The following KCNJ6 variants were observed in gnomAD, a reference collection of about 807,000 sequenced individuals.
KCNJ6 encodes the protein G protein-activated inward rectifier potassium channel 2.
Under a neutral mutation model 34.2 loss-of-function variants are expected in KCNJ6, and 9 were observed. The observed-to-expected ratio is 0.26, with a 90% CI of 0.16 to 0.46. KCNJ6 has a LOEUF of 0.46. Among genes scored for constraint, KCNJ6 ranks in the 20% least tolerant of loss-of-function variants. The pLI, the probability that KCNJ6 is intolerant of heterozygous loss-of-function variation, is 1.00. For synonymous variants in KCNJ6, 196 were observed against 207.1 expected (o/e 0.95, Z 0.46); for missense variants, 236 against 531.3 (o/e 0.44, Z 5.46).
intron 2 of KCNJ6, among the ~76,000 whole-genome samples, chr21:37,777,924 A>T (rs2055149961): frequency 6.6e-6 from 1 of 152,192 alleles, no homozygotes; most frequent in Non-Finnish European, 1.5e-5. Flanking sequence ...GCACACCTGG[A>T]GCCCACGGAG....
At chr21:37,834,379 G>C (rs1232843849) in intron 2 of KCNJ6, among the ~76,000 whole-genome samples, 1 of 152,176 alleles carries the variant, frequency 6.6e-6, no homozygotes, top group Non-Finnish European at 1.5e-5. Flanking sequence ...TCATCCTTTG[G>C]GTGCCTTTTT....
chr21:37,892,610 G>A (rs976213779), intron 1 of KCNJ6, among the ~76,000 whole-genome samples: 2 of 152,280 alleles, frequency 1.3e-5, no homozygotes, highest in African/African-American at 4.8e-5. Context: ...GTATAAGTGA[G>A]GCAACAGGGT....
intron 2 of KCNJ6, among the ~76,000 whole-genome samples, chr21:37,813,383 C>A (rs1234470367): frequency 6.6e-6 from 1 of 152,106 alleles, no homozygotes; most frequent in Non-Finnish European, 1.5e-5. Flanking sequence ...CAATGACATT[C>A]TTCACAGAAA....
intron 2 of KCNJ6, among the ~76,000 whole-genome samples, chr21:37,749,014 G>A (rs1393526529): frequency 2.6e-5 from 4 of 152,194 alleles, no homozygotes; most frequent in African/African-American, 4.8e-5. Context: ...ATGTATATGT[G>A]TATGCATGTG....
chr21:37,827,464 A>G lies in KCNJ6; in HGVS notation c.25+13194T>C, dbSNP rs536478377. On this transcript the variant is annotated intron_variant, in intron 2 of 3. Coordinates refer to ENST00000609713, the MANE Select transcript of KCNJ6 (RefSeq NM_002240.5). ...CCGTAAGTAGTAGAAATCGATCAAC[A>G]AGAATTTTTTAGTACCTAATGGAAA... Among the ~76,000 whole-genome samples the G allele has an allele frequency of 1.8e-4, 28 of 152,316 alleles. No homozygotes were observed. The East Asian group carries it at 5.2e-3, about 28-fold the overall frequency.
intron 3 of KCNJ6, among the ~76,000 whole-genome samples, chr21:37,627,087 T>C (rs900496189): frequency 9.2e-5 from 14 of 152,182 alleles, no homozygotes; most frequent in Admixed American, 1.3e-4. Context: ...TGTGAATGTT[T>C]ACACAGAAGG....
At chr21:37,885,245 G>A (rs1265250734) in intron 1 of KCNJ6, among the ~76,000 whole-genome samples, 1 of 152,180 alleles carries the variant, frequency 6.6e-6, no homozygotes, top group Non-Finnish European at 1.5e-5. Flanking sequence ...GGGAGGTACA[G>A]TGGTGGGGAG....
chr21:37,656,616 G>A (rs2054465387), intron 3 of KCNJ6, among the ~76,000 whole-genome samples: 1 of 152,208 alleles, frequency 6.6e-6, no homozygotes, highest in South Asian at 2.1e-4. Context: ...AGCTGGAGCG[G>A]CTGGGGCTGG....
At chr21:37,721,928 C>A (rs750203572) in intron 2 of KCNJ6, among the ~76,000 whole-genome samples, 5 of 152,052 alleles carry the variant, frequency 3.3e-5, no homozygotes, top group Non-Finnish European at 5.9e-5. Context: ...GAAAAGCAAG[C>A]ACAGGAAGTC....
intron 1 of KCNJ6, among the ~76,000 whole-genome samples, chr21:37,896,668 C>T (rs1235644204): frequency 6.6e-6 from 1 of 152,116 alleles, no homozygotes; most frequent in African/African-American, 2.4e-5. Context: ...TCAAGGGTGG[C>T]ACGTGGGCTT....
At chr21:37,773,505 C>T (rs939145436) in intron 2 of KCNJ6, among the ~76,000 whole-genome samples, 3 of 152,132 alleles carry the variant, frequency 2.0e-5, no homozygotes, top group African/African-American at 4.8e-5. Flanking sequence ...TTCATCCCTC[C>T]CCTTCACCTC....
rs542490855 is a variant in KCNJ6, at chr21:37,690,341, A to G, written c.946+23870T>C. 8.5e-5 allele frequency among the ~76,000 whole-genome samples: 13 copies of G among 152,354 alleles called. No individual in the cohort carries two copies. In the South Asian group the frequency reaches 2.7e-3, roughly 32 times the overall value. On this transcript the variant is annotated intron_variant, in intron 3 of 3. Transcript: ENST00000609713. ...AAAGCTTCAAGGACTTGTCAATGAT[A>G]CATAAAAAGTTAATTAAAATCATTC...
chr21:37,703,368 G>A (rs2054701759), intron 3 of KCNJ6, among the ~76,000 whole-genome samples: 2 of 151,746 alleles, frequency 1.3e-5, no homozygotes, highest in Non-Finnish European at 2.9e-5. Context: ...AGAGGCCCAG[G>A]TATGTGGTGG....
intron 2 of KCNJ6, among the ~76,000 whole-genome samples, chr21:37,822,759 A>G (rs964344551): frequency 4.6e-5 from 7 of 152,212 alleles, no homozygotes; most frequent in Non-Finnish European, 8.8e-5. Flanking sequence ...TGAGGAAAAG[A>G]ACCTATGGCT....
In KCNJ6 at chr21:37,833,022, C is replaced by CTT. The variant is rs11445154; in HGVS notation, c.25+7634_25+7635dup. On this transcript the variant is annotated intron_variant, in intron 2 of 3. Coordinates refer to ENST00000609713, the MANE Select transcript of KCNJ6 (RefSeq NM_002240.5). ...GGCTTCTCGGCATTTCTTTTCTTTT[C>CTT]TTTTTTTTTGAGATGGAGTTTCACT... Among the ~76,000 whole-genome samples, 334 of 150,492 alleles carry CTT rather than the reference C, an allele frequency of 2.2e-3. 3 individuals are homozygous for CTT. Among genetic ancestry groups the CTT allele is most frequent in the African/African-American group, 6.5e-3 (267 of 41,002 alleles).
chr21:37,874,752 G>C (rs761058685), intron 1 of KCNJ6, among the ~76,000 whole-genome samples: 1 of 152,126 alleles, frequency 6.6e-6, no homozygotes, highest in African/African-American at 2.4e-5. Context: ...CTCAACCTTA[G>C]AGTCACTATG....
intron 3 of KCNJ6, among the ~76,000 whole-genome samples, chr21:37,673,398 G>A (rs1156750268): frequency 6.6e-6 from 1 of 152,252 alleles, no homozygotes; most frequent in African/African-American, 2.4e-5. Context: ...TTCCAGTCCT[G>A]TTTCTTTCCA....
intron 2 of KCNJ6, among the ~76,000 whole-genome samples, chr21:37,810,187 C>A (rs1230069233): frequency 6.6e-6 from 1 of 152,170 alleles, no homozygotes; most frequent in African/African-American, 2.4e-5. Context: ...ATACATAACA[C>A]CCTTTTCACT....
chr21:37,669,278 T>C (rs973992490), intron 3 of KCNJ6, among the ~76,000 whole-genome samples: 2 of 152,236 alleles, frequency 1.3e-5, no homozygotes, highest in East Asian at 1.9e-4. Context: ...CATGTATTGA[T>C]TGAGGTCTTA....
Sources: allele counts gnomAD v4.1 joint callset (sites outside exome capture counted in the v4.1 genomes callset), GRCh38; gene constraint gnomAD v4.1.1; transcripts MANE v1.5; gene names NCBI Gene and HGNC (gene_info 2026-07-23, HGNC 2026-07-21).